XPO6: variants seen among roughly 807,000 people sequenced by gnomAD.
The protein encoded by XPO6 is exportin 6.
A neutral mutation model predicts 130.0 loss-of-function variants in XPO6; 3 were observed. The ratio of observed to expected loss-of-function variants is 0.02; its 90% CI spans 0.01 to 0.06. XPO6 has a LOEUF of 0.06. Among genes scored for constraint, XPO6 ranks in the 10% least tolerant of loss-of-function variants. The probability of loss-of-function intolerance (pLI) is 1.00; values close to 1 mark genes in which losing one functional copy is unlikely to be tolerated. For synonymous variants in XPO6, 524 were observed against 548.9 expected (o/e 0.95, Z 0.63); for missense variants, 970 against 1,393.0 (o/e 0.70, Z 4.83).
At chr16:28,110,988 T>C (rs1017733050) in intron 17 of XPO6, among the ~76,000 whole-genome samples, 9 of 152,216 alleles carry the variant, frequency 5.9e-5, no homozygotes, top group Non-Finnish European at 1.2e-4. Flanking sequence ...GAAGGAAGCA[T>C]GGTTAAAATG....
At chr16:28,169,717 G>A in intron 5 of XPO6, 33 bp downstream of exon 5, 1 of 1,609,732 alleles carries the variant, frequency 6.2e-7, no homozygotes, top group Non-Finnish European at 8.5e-7. Flanking sequence ...CTGCGGGCAG[G>A]CCTCTATCTC....
chr16:28,168,404 G>C (rs2043392315), intron 5 of XPO6, among the ~76,000 whole-genome samples: 1 of 151,928 alleles, frequency 6.6e-6, no homozygotes, highest in Non-Finnish European at 1.5e-5. Context: ...GATCGCTTAG[G>C]CCCCAAAATC....
At chr16:28,207,220 C>T (rs1240559196) in intron 1 of XPO6, among the ~76,000 whole-genome samples, 1 of 150,958 alleles carries the variant, frequency 6.6e-6, no homozygotes, top group Non-Finnish European at 1.5e-5. Context: ...TGCACTCCAG[C>T]CTGGGTGCAA....
chr16:28,101,209 AG>A lies in XPO6; in HGVS notation c.3276+248del, dbSNP rs2086648307. 3.5e-6 allele frequency: 2 copies of A among 570,768 alleles called. No homozygotes were observed. Among genetic ancestry groups the A allele is most frequent in the South Asian group, 1.9e-5 (1 of 51,546 alleles). The allele number at this position is 570,768 out of a possible 1,614,324, so 35.4% of individuals were successfully genotyped here. ...AGACAAATGGAGGGGCTGCAGAGCC[AG>A]GAACTCGGGACCTCCATGGCTGAGA... On this transcript the variant is annotated intron_variant, in intron 23 of 23. Transcript: ENST00000304658. This position sits in a 1 kb window ranked among gnomAD's most constrained non-coding sequence, Gnocchi z 5.4.
chr16:28,105,701 C>G (rs1317800795), intron 20 of XPO6: 2 of 205,096 alleles, frequency 9.8e-6, no homozygotes, highest in Non-Finnish European at 9.9e-6. Flanking sequence ...CTTGTATCCT[C>G]GAGACCATGA....
In XPO6 at chr16:28,166,502, C is replaced by T. The variant is rs1442070743; in HGVS notation, c.643+6G>A. On this transcript the variant is annotated splice_donor_region_variant and intron_variant, in intron 6 of 23. Coordinates refer to ENST00000304658, the MANE Select transcript of XPO6 (RefSeq NM_015171.4). ...AAGAATGCCTTGGCTGGCAGGCAGACCATACCACTTTCTCCTGAGGTCGGG... is the reference window on the plus strand; with the variant it reads ...AAGAATGCCTTGGCTGGCAGGCAGATCATACCACTTTCTCCTGAGGTCGGG... The T allele has an allele frequency of 2.5e-6, 4 of 1,580,944 alleles. No homozygotes were observed. The highest frequency in any genetic ancestry group is 3.4e-6 in the Non-Finnish European group (4 of 1,161,744).
intron 13 of XPO6, among the ~76,000 whole-genome samples, chr16:28,124,642 A>G (rs779552976): frequency 2.0e-5 from 3 of 152,252 alleles, no homozygotes; most frequent in Non-Finnish European, 4.4e-5. Flanking sequence ...GTACTTACTC[A>G]ACAATAAAAC....
intron 6 of XPO6, among the ~76,000 whole-genome samples, chr16:28,162,746 G>A (rs1175585533): frequency 6.6e-6 from 1 of 151,320 alleles, no homozygotes; most frequent in Non-Finnish European, 1.5e-5. Flanking sequence ...ATTAGAGATG[G>A]GGTCTCACTA....
At chr16:28,169,995 T>C (rs907610148) in intron 4 of XPO6, 86 bp from the exon 5 acceptor site, 3 of 1,507,120 alleles carry the variant, frequency 2.0e-6, no homozygotes, top group Admixed American at 1.9e-5. Flanking sequence ...ATGAAGCATC[T>C]GTGTGTGTTT....
chr16:28,178,182 C>G (rs1449477916), intron 2 of XPO6, among the ~76,000 whole-genome samples: 1 of 152,178 alleles, frequency 6.6e-6, no homozygotes, highest in African/African-American at 2.4e-5. Flanking sequence ...TTTGGAAAAG[C>G]AGAACACACA....
In XPO6 at chr16:28,205,916, T is replaced by C. The variant is rs1173990695; in HGVS notation, c.3+5450A>G. Among the ~76,000 whole-genome samples, 5 of 151,418 alleles carry C rather than the reference T, an allele frequency of 3.3e-5. No individual in the cohort carries two copies. The Admixed American group carries it at 3.3e-4, about 10-fold the overall frequency. On this transcript the variant is annotated intron_variant, in intron 1 of 23. Coordinates refer to ENST00000304658, the MANE Select transcript of XPO6 (RefSeq NM_015171.4). ...ATTCAGGCATGGTGGTGCGCACCTG[T>C]AGTCCCAGCTACTCGGGAGGCTGAG...
At chr16:28,128,717 G>A (rs2042609140) in intron 12 of XPO6, among the ~76,000 whole-genome samples, 1 of 152,128 alleles carries the variant, frequency 6.6e-6, no homozygotes, top group South Asian at 2.1e-4. Flanking sequence ...GCCTCTTCCT[G>A]GACCTCGGCT....
Position 28,161,398 on chromosome 16 carries a change from C to T in XPO6, c.644-4871G>A, listed in dbSNP as rs1334244361. Among the ~76,000 whole-genome samples the T allele has an allele frequency of 3.3e-5, 5 of 152,136 alleles. No homozygotes were observed. The South Asian group carries it at 8.3e-4, about 25-fold the overall frequency. On this transcript the variant is annotated intron_variant, in intron 6 of 23. Transcript: ENST00000304658. ...GGCTAGCCTTTCTCAGCCTCAACCT[C>T]CTCCGCCATTATAATGAGGATTTTG...
chr16:28,187,717 T>C (rs899608951), intron 1 of XPO6, among the ~76,000 whole-genome samples: 7 of 149,240 alleles, frequency 4.7e-5, no homozygotes, highest in Non-Finnish European at 7.4e-5. Flanking sequence ...ATATCTACCA[T>C]GGGCTGGTGG....
chr16:28,211,441 G>C lies in XPO6; in HGVS notation c.-73C>G. 1 of 1,305,072 alleles carries C rather than the reference G, an allele frequency of 7.7e-7. No individual in the cohort carries two copies. The highest frequency in any genetic ancestry group is 9.8e-7 in the Non-Finnish European group (1 of 1,017,598). 80.8% of individuals were successfully genotyped at this position (1,305,072 alleles called of 1,614,324 possible). A position where few individuals can be genotyped will look rare whatever the true frequency, so the allele number is the denominator to read the frequency against. ...GACACGTCCCGCTCGCACAGTTCAG[G>C]TCATGGTCCCGGCAGACTCGGGAAG... is the stretch of plus-strand genomic sequence containing the variant. On this transcript the variant is annotated 5_prime_UTR_variant, in exon 1 of 24. Coordinates refer to ENST00000304658, the MANE Select transcript of XPO6 (RefSeq NM_015171.4).
chr16:28,211,139 T>G (rs1171751167), intron 1 of XPO6, among the ~76,000 whole-genome samples: 2 of 152,220 alleles, frequency 1.3e-5, no homozygotes, highest in Non-Finnish European at 2.9e-5. Context: ...ATGCAAGGGT[T>G]GTGCCTGCTG....
At position 28,101,333 on chromosome 16, in the gene XPO6, GC is replaced by G. The variant is rs1567587493; in HGVS notation, c.3276+124del. On this transcript the variant is annotated intron_variant, in intron 23 of 23. Transcript: ENST00000304658. This position sits in a 1 kb window ranked among gnomAD's most constrained non-coding sequence, Gnocchi z 5.4. Reference sequence around the variant, plus strand: ...GTCAGCAGGCATCTCGTGAGCTGCCGCCAAGCTGCAGGGTGGGCACAGACCA... The same window carrying G: ...GTCAGCAGGCATCTCGTGAGCTGCCGCAAGCTGCAGGGTGGGCACAGACCA... The G allele has an allele frequency of 1.2e-6, 1 of 824,244 alleles. No individual in the cohort carries two copies. The highest frequency in any genetic ancestry group is 1.4e-5 in the South Asian group (1 of 70,134). The allele number at this position is 824,244 out of a possible 1,614,324, so 51.1% of individuals were successfully genotyped here.
chr16:28,113,313 C>A (rs532101224), intron 15 of XPO6, among the ~76,000 whole-genome samples: 1 of 152,306 alleles, frequency 6.6e-6, no homozygotes, highest in South Asian at 2.1e-4. Flanking sequence ...AGGCACTTCT[C>A]AGCTTAGAGT....
At chr16:28,178,888 G>A (rs190971444) in intron 2 of XPO6, among the ~76,000 whole-genome samples, 11 of 152,030 alleles carry the variant, frequency 7.2e-5, no homozygotes, top group East Asian at 1.9e-4. Context: ...CCAACATGGC[G>A]AAACCCCGTC....
Sources: gnomAD v4.1 joint callset for allele counts (sites outside exome capture counted in the v4.1 genomes callset) on GRCh38, gnomAD v4.1.1 for gene constraint, Gnocchi (gnomAD v3.1) non-coding constraint, MANE v1.5 for transcripts, NCBI Gene and HGNC (gene_info 2026-07-23, HGNC 2026-07-21) for gene names.